The following MAGI2 variants were observed in gnomAD, a reference collection of about 807,000 sequenced individuals.
The protein encoded by MAGI2 is membrane-associated guanylate kinase, WW and PDZ domain-containing protein 2.
Under a neutral mutation model 133.3 loss-of-function variants are expected in MAGI2, and 35 were observed. The observed-to-expected ratio is 0.26, with a 90% CI of 0.20 to 0.35. The LOEUF (loss-of-function observed/expected upper bound fraction) is 0.35. Among genes scored for constraint, MAGI2 ranks in the 10% least tolerant of loss-of-function variants. The pLI is 1.00. For synonymous variants in MAGI2, 729 were observed against 710.6 expected (o/e 1.03, Z -0.41); for missense variants, 1,636 against 1,863.4 (o/e 0.88, Z 2.25).
At chr7:78,223,113 G>C (rs1367490712) in intron 10 of MAGI2, among the ~76,000 whole-genome samples, 1 of 152,136 alleles carries the variant, frequency 6.6e-6, no homozygotes, top group East Asian at 1.9e-4. Flanking sequence ...GTCTCTGTCT[G>C]TTCATACCAC....
intron 2 of MAGI2, among the ~76,000 whole-genome samples, chr7:78,734,287 T>C (rs1821640123): frequency 6.6e-6 from 1 of 152,188 alleles, no homozygotes; most frequent in Admixed American, 6.5e-5. Flanking sequence ...ATTTTTGTAA[T>C]AGGTAGAAAC....
intron 6 of MAGI2, among the ~76,000 whole-genome samples, chr7:78,373,029 C>T (rs185125609): frequency 6.6e-6 from 1 of 152,128 alleles, no homozygotes; most frequent in African/African-American, 2.4e-5. Flanking sequence ...CGTTGTGTTG[C>T]CCAAGCTGAA....
chr7:78,521,095 A>G (rs1796458498), intron 4 of MAGI2, among the ~76,000 whole-genome samples: 1 of 152,116 alleles, frequency 6.6e-6, no homozygotes, highest in Non-Finnish European at 1.5e-5. Context: ...AAGACTTGCA[A>G]TATCTTATAG....
chr7:78,808,243 A>G lies in MAGI2; in HGVS notation c.419-181004T>C, dbSNP rs1484923259. ...AGGACCAGCCTTCAGCTGTATTTTTATTTATTTACTTTTTAATTTATTATT... is the reference window on the plus strand; with the variant it reads ...AGGACCAGCCTTCAGCTGTATTTTTGTTTATTTACTTTTTAATTTATTATT... On this transcript the variant is annotated intron_variant, in intron 2 of 21. Coordinates refer to ENST00000354212, the MANE Select transcript of MAGI2 (RefSeq NM_012301.4). Among the ~76,000 whole-genome samples, 6 of 151,928 alleles carry G rather than the reference A, an allele frequency of 3.9e-5. 1 individual carries two copies. Among genetic ancestry groups the G allele is most frequent in the Non-Finnish European group, 8.8e-5 (6 of 67,946 alleles).
intron 21 of MAGI2, among the ~76,000 whole-genome samples, chr7:78,061,409 T>TAC (rs59531463): frequency 0.027 from 3,786 of 139,630 alleles, 57 homozygotes; most frequent in Admixed American, 0.052. Flanking sequence ...GGACTGGTTG[T>TAC]ACACACACAC....
chr7:78,985,089 C>T (rs1332129123), intron 2 of MAGI2, among the ~76,000 whole-genome samples: 1 of 151,538 alleles, frequency 6.6e-6, no homozygotes, highest in African/African-American at 2.4e-5. Flanking sequence ...GTAGCCTCAA[C>T]CACCTGGCCT....
At chr7:78,197,495 T>C (rs969166776) in intron 11 of MAGI2, among the ~76,000 whole-genome samples, 1 of 152,230 alleles carries the variant, frequency 6.6e-6, no homozygotes, top group Non-Finnish European at 1.5e-5. Context: ...CATGTAGTCA[T>C]TGGACATGCT....
chr7:78,573,291 A>AATATATATATATTTATATATATAAAT (rs796996861), intron 3 of MAGI2, among the ~76,000 whole-genome samples: 3 of 53,358 alleles, frequency 5.6e-5, no homozygotes, highest in African/African-American at 1.9e-4. Context: ...TATTTATATA[A>AATATATATATATTTATATATATAAAT]ATATATATAT....
At chr7:79,110,694 T>G (rs1818853692) in intron 1 of MAGI2, among the ~76,000 whole-genome samples, 1 of 152,160 alleles carries the variant, frequency 6.6e-6, no homozygotes, top group Non-Finnish European at 1.5e-5. Flanking sequence ...TGATTATATT[T>G]TGCAGTGTGA....
chr7:78,215,751 ACT>A (rs1468581791), intron 10 of MAGI2, among the ~76,000 whole-genome samples: 1 of 152,164 alleles, frequency 6.6e-6, no homozygotes, highest in African/African-American at 2.4e-5. Context: ...CTGTTTTGCC[ACT>A]CTGTTTTAAA....
chr7:78,788,093 A>G (rs1826980373), intron 2 of MAGI2, among the ~76,000 whole-genome samples: 1 of 152,224 alleles, frequency 6.6e-6, no homozygotes, highest in South Asian at 2.1e-4. Context: ...TGTGCAAAGC[A>G]GTGATCAATT....
intron 1 of MAGI2, among the ~76,000 whole-genome samples, chr7:79,292,651 A>C (rs2129558894): frequency 6.6e-6 from 1 of 151,480 alleles, no homozygotes; most frequent in African/African-American, 2.4e-5. Flanking sequence ...AATAAAAGAA[A>C]AAAAAAGTTT....
chr7:78,314,325 TA>T (rs1283075790), intron 9 of MAGI2, among the ~76,000 whole-genome samples: 1 of 152,158 alleles, frequency 6.6e-6, no homozygotes, highest in African/African-American at 2.4e-5. Flanking sequence ...CCAGTGGATA[TA>T]AAAATGATGC....
At chr7:78,810,360 A>G (rs1788939429) in intron 2 of MAGI2, among the ~76,000 whole-genome samples, 1 of 152,150 alleles carries the variant, frequency 6.6e-6, no homozygotes, top group African/African-American at 2.4e-5. Flanking sequence ...TCTAGAATCA[A>G]TACCTATGTA....
intron 16 of MAGI2, among the ~76,000 whole-genome samples, chr7:78,136,797 C>A (rs529804299): frequency 2.6e-5 from 4 of 152,110 alleles, no homozygotes; most frequent in African/African-American, 7.2e-5. Flanking sequence ...TGCTTTACAG[C>A]GAAAGGCAGA....
At chr7:78,986,938 G>A (rs940674166) in intron 2 of MAGI2, among the ~76,000 whole-genome samples, 9 of 151,892 alleles carry the variant, frequency 5.9e-5, no homozygotes, top group Non-Finnish European at 1.0e-4. Flanking sequence ...GAGTAGCTAG[G>A]AACCAGGGAA....
At chr7:78,257,622 T>A (rs1026657418) in intron 9 of MAGI2, among the ~76,000 whole-genome samples, 1 of 152,214 alleles carries the variant, frequency 6.6e-6, no homozygotes, top group Non-Finnish European at 1.5e-5. Context: ...CATGGCTGTT[T>A]GAGATAAATG....
chr7:79,049,305 C>T (rs541009468), intron 1 of MAGI2, among the ~76,000 whole-genome samples: 1 of 152,104 alleles, frequency 6.6e-6, no homozygotes, highest in East Asian at 1.9e-4. Flanking sequence ...TCAAAGAGCT[C>T]ACAGTTCAGC....
intron 21 of MAGI2, among the ~76,000 whole-genome samples, chr7:78,052,323 C>T (rs1316971080): frequency 4.6e-5 from 7 of 152,084 alleles, no homozygotes; most frequent in Non-Finnish European, 8.8e-5. Context: ...TCCTGGGGAA[C>T]GAGTTGTTGG....
Sources: allele counts gnomAD v4.1 joint callset (sites outside exome capture counted in the v4.1 genomes callset), GRCh38; gene constraint gnomAD v4.1.1; transcripts MANE v1.5; gene names NCBI Gene and HGNC (gene_info 2026-07-23, HGNC 2026-07-21).